The following MARCHF6 variants were observed in gnomAD, a reference collection of about 807,000 sequenced individuals.
MARCHF6 encodes E3 ubiquitin-protein ligase MARCHF6.
In MARCHF6, 31 loss-of-function variants were observed where a neutral mutation model predicts 133.7. The observed-to-expected ratio is 0.23, with a 90% CI of 0.17 to 0.31. The LOEUF is 0.31. Ranked by LOEUF, MARCHF6 falls within the 10% of genes least tolerant of loss-of-function variation. The probability of loss-of-function intolerance (pLI) is 1.00; values close to 1 mark genes in which losing one functional copy is unlikely to be tolerated. For synonymous variants in MARCHF6, 395 were observed against 402.5 expected (o/e 0.98, Z 0.22); for missense variants, 723 against 1,121.6 (o/e 0.64, Z 5.08).
At chr5:10,384,756 C>A (rs773167856) in intron 4 of MARCHF6, among the ~76,000 whole-genome samples, 2 of 152,120 alleles carry the variant, frequency 1.3e-5, no homozygotes, top group African/African-American at 4.8e-5. Context: ...CAAGGGGGAG[C>A]GCATATGTTA....
chr5:10,423,326 T>G (rs955198095), intron 22 of MARCHF6, among the ~76,000 whole-genome samples: 2 of 152,182 alleles, frequency 1.3e-5, no homozygotes, highest in Non-Finnish European at 2.9e-5. Context: ...TCTGTGAGCC[T>G]TTAGAATGGT....
In MARCHF6 at chr5:10,436,264, A is replaced by T. The variant is rs1740651200; in HGVS notation, c.*2580A>T. On this transcript the variant is annotated 3_prime_UTR_variant, in exon 26 of 26. Transcript: ENST00000274140. ...TTGCCCTCCATTTTACTGGCAGGTA[A>T]TTTATATTGTCTTACTTAAGAATTC... is the stretch of plus-strand genomic sequence containing the variant. The T allele has an allele frequency of 6.6e-6, 1 of 152,244 alleles. No individual in the cohort carries two copies. The highest frequency in any genetic ancestry group is 1.9e-4 in the East Asian group (1 of 5,188). 9.4% of individuals were successfully genotyped at this position (152,244 alleles called of 1,614,324 possible).
intron 19 of MARCHF6, among the ~76,000 whole-genome samples, chr5:10,412,979 G>A (rs189904974): frequency 1.2e-4 from 18 of 152,210 alleles, no homozygotes; most frequent in Middle Eastern, 3.4e-3. Context: ...GGGAAGAGGT[G>A]AGGGACAAGA....
At chr5:10,431,174 C>T (rs1561155228) in intron 25 of MARCHF6, among the ~76,000 whole-genome samples, 1 of 152,106 alleles carries the variant, frequency 6.6e-6, no homozygotes, top group Non-Finnish European at 1.5e-5. Flanking sequence ...CATTTACTGA[C>T]AGTAAAAAAT....
intron 3 of MARCHF6, among the ~76,000 whole-genome samples, chr5:10,379,550 T>C (rs1443309067): frequency 1.3e-5 from 2 of 151,878 alleles, no homozygotes; most frequent in African/African-American, 4.8e-5. Context: ...AAGCTCCGCC[T>C]CCCGGGTTCA....
At position 10,402,410 on chromosome 5, in the gene MARCHF6, T is replaced by C. The variant is rs1326265888; in HGVS notation, c.1080T>C (p.His360=). 1.2e-6 allele frequency: 2 copies of C among 1,614,012 alleles called. No individual in the cohort carries two copies. Among genetic ancestry groups the C allele is most frequent in the East Asian group, 4.5e-5 (2 of 44,858 alleles). ...CHGLATLVKF[H]RSRRLLGVCY... ...GCTTGGCAACTCTTGTGAAATTTCA[T>C]AGATCTCGTCGCTTACTGGGAGTCT... Residue 360 remains histidine (H), a synonymous_variant, in exon 13 of 26, where the codon CAT becomes CAC. Transcript: ENST00000274140.
At chr5:10,391,503 C>T in intron 6 of MARCHF6, 39 bp from the exon 7 acceptor site, 2 of 659,766 alleles carry the variant, frequency 3.0e-6, no homozygotes, top group Non-Finnish European at 4.9e-6. Context: ...GCAAAACAGA[C>T]AAGTGGATCT....
chr5:10,432,702 A>G (rs1003588983), intron 25 of MARCHF6, among the ~76,000 whole-genome samples: 4 of 152,102 alleles, frequency 2.6e-5, no homozygotes, highest in Non-Finnish European at 1.5e-5. Flanking sequence ...GGCCTTTGCC[A>G]TTGCCTTCTC....
rs375112694 is a variant in MARCHF6 at position 10,414,518 on chromosome 5, A to G, written c.1966+16A>G. 12 of 1,593,620 alleles carry G rather than the reference A, an allele frequency of 7.5e-6. No homozygotes were observed. The African/African-American group carries it at 1.6e-4, about 21-fold the overall frequency. ...ACTTTACCAGGTATGAGCTTGTGCTAGCCTTCAGCTAATAGCATCATTAAG... is the reference window on the plus strand; with the variant it reads ...ACTTTACCAGGTATGAGCTTGTGCTGGCCTTCAGCTAATAGCATCATTAAG... On this transcript the variant is annotated intron_variant, in intron 20 of 25. Coordinates refer to ENST00000274140, the MANE Select transcript of MARCHF6 (RefSeq NM_005885.4).
chr5:10,403,590 T>C (rs2126767309), intron 15 of MARCHF6, 49 bp downstream of exon 15: 3 of 1,541,382 alleles, frequency 1.9e-6, no homozygotes, highest in South Asian at 1.2e-5. Context: ...AAAAGGACTT[T>C]TGCTTTCACC....
Position 10,381,861 on chromosome 5 carries a change from A to C in MARCHF6, c.252A>C (p.Thr84=). The C allele has an allele frequency of 6.2e-7, 1 of 1,611,900 alleles. No homozygotes were observed. The highest frequency in any genetic ancestry group is 8.5e-7 in the Non-Finnish European group (1 of 1,178,288). Residue 84 remains threonine, a synonymous_variant, in exon 4 of 26, where the codon ACA becomes ACC. Coordinates refer to ENST00000274140, the MANE Select transcript of MARCHF6 (RefSeq NM_005885.4). The stretch of plus-strand genomic sequence containing the variant: ...AAGACATATTTGCTGGACTGGTTAC[A>C]AGTATTGGCACTGCAATACGATATT... ...PIQDIFAGLV[T]SIGTAIRYWF...
Position 10,433,783 on chromosome 5 carries a change from T to G in MARCHF6, c.*99T>G. On this transcript the variant is annotated 3_prime_UTR_variant, in exon 26 of 26. Coordinates refer to ENST00000274140, the MANE Select transcript of MARCHF6 (RefSeq NM_005885.4). Reference sequence around the variant, plus strand: ...CCCAGTGATCTCTCAGCGTTGTTTTTAAGTTAAATGTATTTGACTTGTGTT... The same window carrying G: ...CCCAGTGATCTCTCAGCGTTGTTTTGAAGTTAAATGTATTTGACTTGTGTT... 1 of 977,952 alleles carries G rather than the reference T, an allele frequency of 1.0e-6. No individual in the cohort carries two copies. The highest frequency in any genetic ancestry group is 1.4e-5 in the South Asian group (1 of 72,476). The allele number at this position is 977,952 out of a possible 1,614,324, so 60.6% of individuals were successfully genotyped here. A position where few individuals can be genotyped will look rare whatever the true frequency, so the allele number is the denominator to read the frequency against.
At chr5:10,424,981 C>CT in intron 23 of MARCHF6, among the ~76,000 whole-genome samples, 1 of 152,320 alleles carries the variant, frequency 6.6e-6, no homozygotes, top group Non-Finnish European at 1.5e-5. Flanking sequence ...GATTTTGCTG[C>CT]TACTTTACGC....
At chr5:10,365,206 G>A (rs1352843639) in intron 1 of MARCHF6, among the ~76,000 whole-genome samples, 2 of 152,156 alleles carry the variant, frequency 1.3e-5, no homozygotes, top group African/African-American at 4.8e-5. Flanking sequence ...GCTTCCAGGA[G>A]CAACAGTACA....
intron 16 of MARCHF6, among the ~76,000 whole-genome samples, chr5:10,406,227 G>T (rs1362219023): frequency 6.6e-6 from 1 of 152,110 alleles, no homozygotes; most frequent in Non-Finnish European, 1.5e-5. Context: ...AATGGTTGGG[G>T]ACCACTGGTA....
At chr5:10,407,958 C>A (rs974172301) in intron 17 of MARCHF6, among the ~76,000 whole-genome samples, 2 of 140,790 alleles carry the variant, frequency 1.4e-5, no homozygotes, top group African/African-American at 2.6e-5. Flanking sequence ...CTGCATCCCC[C>A]CCCCCCCAAA....
chr5:10,414,626 T>G (rs1223834132), intron 20 of MARCHF6, 124 bp downstream of exon 20: 2 of 707,518 alleles, frequency 2.8e-6, no homozygotes, highest in Non-Finnish European at 4.8e-6. Flanking sequence ...TACTGCAGCC[T>G]TGAACTACTG....
At position 10,353,802 on chromosome 5, in the gene MARCHF6, C is replaced by T. The variant is rs1735249098; in HGVS notation, c.-97C>T. ...CCTCTCTCGCACCTGAGCGTACGCA[C>T]CTGCCCGGGCCCGGCTCCCTCCTCC... On this transcript the variant is annotated 5_prime_UTR_variant, in exon 1 of 26. Coordinates refer to ENST00000274140, the MANE Select transcript of MARCHF6 (RefSeq NM_005885.4). The T allele has an allele frequency of 9.5e-6, 11 of 1,159,430 alleles. No individual in the cohort carries two copies. The highest frequency in any genetic ancestry group is 1.6e-5 in the African/African-American group (1 of 63,170). The allele number at this position is 1,159,430 out of a possible 1,614,324, so 71.8% of individuals were successfully genotyped here.
At chr5:10,379,964 A>T (rs1466516345) in intron 3 of MARCHF6, among the ~76,000 whole-genome samples, 2 of 152,142 alleles carry the variant, frequency 1.3e-5, no homozygotes, top group African/African-American at 4.8e-5. Context: ...TCAATATTTC[A>T]TAAGCCTTTA....
Sources: allele counts gnomAD v4.1 joint callset (sites outside exome capture counted in the v4.1 genomes callset), GRCh38; gene constraint gnomAD v4.1.1; transcripts MANE v1.5; gene names NCBI Gene and HGNC (gene_info 2026-07-23, HGNC 2026-07-21).